The following BAIAP2L1 variants were observed in gnomAD, a reference collection of about 807,000 sequenced individuals.
BAIAP2L1 encodes BAR/IMD domain containing adaptor protein 2 like 1.
In BAIAP2L1, 35 loss-of-function variants were observed where a neutral mutation model predicts 66.3. The ratio of observed to expected loss-of-function variants is 0.53; its 90% CI spans 0.40 to 0.70. The LOEUF (loss-of-function observed/expected upper bound fraction) is 0.70, where lower values mean the gene tolerates loss of function less well. Ranked by LOEUF, BAIAP2L1 falls within the 30% of genes least tolerant of loss-of-function variation. BAIAP2L1 has a pLI of 0.00. For synonymous variants in BAIAP2L1, 269 were observed against 248.7 expected (o/e 1.08, Z -0.77); for missense variants, 622 against 656.9 (o/e 0.95, Z 0.58).
chr7:98,299,108 C>A (rs532818275), intron 12 of BAIAP2L1, among the ~76,000 whole-genome samples: 1 of 152,072 alleles, frequency 6.6e-6, no homozygotes, highest in Non-Finnish European at 1.5e-5. Context: ...CTCTGCCTCC[C>A]GGGTTCAACT....
At chr7:98,339,854 C>T (rs150867902) in intron 3 of BAIAP2L1, among the ~76,000 whole-genome samples, 59 of 152,322 alleles carry the variant, frequency 3.9e-4, no homozygotes, top group East Asian at 3.9e-3. Context: ...GTAAGTAGCG[C>T]TTGTGAACAA....
chr7:98,387,878 C>G (rs951218324), intron 1 of BAIAP2L1, among the ~76,000 whole-genome samples: 1 of 140,118 alleles, frequency 7.1e-6, no homozygotes, highest in African/African-American at 2.6e-5. Context: ...CAAAACAAAA[C>G]AAAACAACAA....
intron 2 of BAIAP2L1, among the ~76,000 whole-genome samples, chr7:98,358,306 TTAAGA>T (rs3062614): frequency 0.12 from 18,054 of 152,000 alleles, 1,325 homozygotes; most frequent in South Asian, 0.23. Flanking sequence ...TGTGAGCACA[TTAAGA>T]TATTTTCTAC....
At chr7:98,380,240 C>A (rs1045948403) in intron 1 of BAIAP2L1, among the ~76,000 whole-genome samples, 1 of 151,940 alleles carries the variant, frequency 6.6e-6, no homozygotes, top group Non-Finnish European at 1.5e-5. Flanking sequence ...AACACACCCA[C>A]CTAATTTTTA....
At chr7:98,302,869 C>T (rs528527832) in intron 12 of BAIAP2L1, among the ~76,000 whole-genome samples, 4 of 152,276 alleles carry the variant, frequency 2.6e-5, no homozygotes, top group South Asian at 4.1e-4. Flanking sequence ...ACAGCAGCCT[C>T]GAACTTCTGG....
At chr7:98,387,867 TCAAAA>T (rs1266785349) in intron 1 of BAIAP2L1, among the ~76,000 whole-genome samples, 1 of 145,480 alleles carries the variant, frequency 6.9e-6, no homozygotes, top group African/African-American at 2.5e-5. Flanking sequence ...AGACCCTGTC[TCAAAA>T]CAAAACAAAA....
intron 3 of BAIAP2L1, among the ~76,000 whole-genome samples, chr7:98,343,196 G>A (rs569442461): frequency 1.3e-5 from 2 of 151,082 alleles, no homozygotes; most frequent in South Asian, 2.1e-4. Flanking sequence ...TCAGGAGTTC[G>A]AGACCAGCCT....
At chr7:98,337,914 T>C (rs1442843758) in intron 3 of BAIAP2L1, among the ~76,000 whole-genome samples, 4 of 129,940 alleles carry the variant, frequency 3.1e-5, no homozygotes, top group Non-Finnish European at 7.3e-5. Context: ...CAAGACTCCA[T>C]CTCCAAACAA....
chr7:98,305,010 C>T lies in BAIAP2L1; in HGVS notation c.1242-634G>A, dbSNP rs941913535. ...CCTCCCAAGTAGCCGGGATTACAGG[C>T]GCCTGCCACCACGCCCAGCTAATTT... On this transcript the variant is annotated intron_variant, in intron 11 of 13. Transcript: ENST00000005260. Among the ~76,000 whole-genome samples the T allele has an allele frequency of 5.4e-5, 8 of 149,302 alleles. No individual in the cohort carries two copies. In the East Asian group the frequency reaches 7.9e-4, roughly 15 times the overall value.
chr7:98,333,481 C>A (rs1398433636), intron 3 of BAIAP2L1, among the ~76,000 whole-genome samples: 1 of 151,912 alleles, frequency 6.6e-6, no homozygotes, highest in Non-Finnish European at 1.5e-5. Flanking sequence ...CGCCTGTAAT[C>A]CCAGTTACTC....
chr7:98,360,790 G>A lies in BAIAP2L1; in HGVS notation c.127+1567C>T, dbSNP rs1802252251. Among the ~76,000 whole-genome samples, 3 of 152,172 alleles carry A rather than the reference G, an allele frequency of 2.0e-5. No homozygotes were observed. In the South Asian group the frequency reaches 6.2e-4, roughly 32 times the overall value. On this transcript the variant is annotated intron_variant, in intron 2 of 13. Transcript: ENST00000005260. The stretch of plus-strand genomic sequence containing the variant: ...AGCTCTGGCTTTCTGGAGGACAGGG[G>A]CACTTGCAGAAGTCACGGGGACCAC...
chr7:98,315,913 G>A (rs563884041), intron 6 of BAIAP2L1, among the ~76,000 whole-genome samples: 28 of 152,228 alleles, frequency 1.8e-4, no homozygotes, highest in East Asian at 5.8e-4. Context: ...AAAGCACCAC[G>A]GGCTTTGGAA....
chr7:98,308,788 C>G (rs1401021098), intron 9 of BAIAP2L1: 5 of 155,654 alleles, frequency 3.2e-5, no homozygotes, highest in African/African-American at 1.2e-4. Context: ...AAGGATCCTC[C>G]CTCCTCAGCC....
chr7:98,369,721 G>C (rs909332788), intron 1 of BAIAP2L1, among the ~76,000 whole-genome samples: 1 of 145,260 alleles, frequency 6.9e-6, no homozygotes, highest in Non-Finnish European at 1.5e-5. Context: ...GCCCAGGCTG[G>C]AGTGCAATGG....
chr7:98,375,742 C>CAAAAAA (rs372282399), intron 1 of BAIAP2L1, among the ~76,000 whole-genome samples: 83 of 58,556 alleles, frequency 1.4e-3, no homozygotes, highest in East Asian at 2.0e-3. Context: ...AAGTCCATCT[C>CAAAAAA]AAAAAAAAAA....
Position 98,292,905 on chromosome 7 carries a change from G to C in BAIAP2L1, c.*616C>G. 4 of 1,414,826 alleles carry C rather than the reference G, an allele frequency of 2.8e-6. No homozygotes were observed. Among genetic ancestry groups the C allele is most frequent in the Non-Finnish European group, 3.7e-6 (4 of 1,087,166 alleles). The allele number at this position is 1,414,826 out of a possible 1,614,324, so 87.6% of individuals were successfully genotyped here. ...ATTTCGTCGAGTGCTACGTGTGGCT[G>C]TGATAAGGGCAGGCAAAGCGTCTTA... On this transcript the variant is annotated 3_prime_UTR_variant, in exon 14 of 14. Coordinates refer to ENST00000005260, the MANE Select transcript of BAIAP2L1 (RefSeq NM_018842.5).
intron 7 of BAIAP2L1, among the ~76,000 whole-genome samples, chr7:98,315,145 A>G (rs2116887157): frequency 6.6e-6 from 1 of 152,292 alleles, no homozygotes; most frequent in East Asian, 1.9e-4. Flanking sequence ...TGATTGAGAC[A>G]GGGTCCCGCT....
At position 98,307,554 on chromosome 7, in the gene BAIAP2L1, A is replaced by G. The variant is rs537246653; in HGVS notation, c.1163+135T>C. ...GCCTGGGATCGAATAACTTCAGTTAACTAAACTAGAACTAAACCATAAACT... is the reference window on the plus strand; with the variant it reads ...GCCTGGGATCGAATAACTTCAGTTAGCTAAACTAGAACTAAACCATAAACT... On this transcript the variant is annotated intron_variant, in intron 10 of 13. Transcript: ENST00000005260. The G allele has an allele frequency of 3.8e-5, 56 of 1,469,134 alleles. No individual in the cohort carries two copies. In the South Asian group the frequency reaches 5.8e-4, roughly 15 times the overall value. 91.0% of individuals were successfully genotyped at this position (1,469,134 alleles called of 1,614,324 possible).
intron 13 of BAIAP2L1, 98 bp downstream of exon 13, chr7:98,293,976 G>T: frequency 7.2e-7 from 1 of 1,389,266 alleles, no homozygotes; most frequent in Non-Finnish European, 1.0e-6. Context: ...CCTTTCTCAG[G>T]CTGGACCCCC....
Sources: allele counts gnomAD v4.1 joint callset (sites outside exome capture counted in the v4.1 genomes callset), GRCh38; gene constraint gnomAD v4.1.1; transcripts MANE v1.5; gene names NCBI Gene and HGNC (gene_info 2026-07-23, HGNC 2026-07-21).